AK5: variants seen among roughly 807,000 people sequenced by gnomAD.
AK5 encodes the protein adenylate kinase isoenzyme 5.
Under a neutral mutation model 69.5 loss-of-function variants are expected in AK5, and 27 were observed. The observed-to-expected ratio is 0.39, with a 90% CI of 0.29 to 0.54. AK5 has a LOEUF of 0.54. Ranked by LOEUF, AK5 falls within the 20% of genes least tolerant of loss-of-function variation. The pLI, the probability that AK5 is intolerant of heterozygous loss-of-function variation, is 0.71. For synonymous variants in AK5, 260 were observed against 244.4 expected, an observed-to-expected ratio of 1.06 and a Z score of -0.60; for missense variants, 531 against 700.4, an observed-to-expected ratio of 0.76 and a Z score of 2.73.
intron 10 of AK5, among the ~76,000 whole-genome samples, chr1:77,498,230 C>T (rs1461192675): frequency 1.3e-5 from 2 of 152,128 alleles, no homozygotes; most frequent in Non-Finnish European, 2.9e-5. Context: ...GGTTTGGCAA[C>T]AGGTGAGTTA....
intron 10 of AK5, among the ~76,000 whole-genome samples, chr1:77,512,242 TGAGAGAGAGAGAGACA>T (rs1295116420): frequency 6.6e-6 from 1 of 151,620 alleles, no homozygotes; most frequent in Non-Finnish European, 1.5e-5. Flanking sequence ...TGTGTGTGTG[TGAGAGAGAGAGAGACA>T]GAGAGAGAGA....
At chr1:77,351,267 C>T (rs922504908) in intron 6 of AK5, among the ~76,000 whole-genome samples, 5 of 152,050 alleles carry the variant, frequency 3.3e-5, no homozygotes, top group Non-Finnish European at 7.4e-5. Flanking sequence ...TGGTGGTGCA[C>T]ACCTGCAGTC....
chr1:77,543,499 T>C (rs533132239), intron 13 of AK5, among the ~76,000 whole-genome samples: 2 of 151,704 alleles, frequency 1.3e-5, no homozygotes, highest in South Asian at 4.2e-4. Flanking sequence ...TAATTATTTT[T>C]CTACCAAAAG....
chr1:77,328,764 T>C (rs1178863842), intron 5 of AK5, among the ~76,000 whole-genome samples: 8 of 152,294 alleles, frequency 5.3e-5, no homozygotes, highest in South Asian at 2.1e-4. Flanking sequence ...AGTAGAACAA[T>C]ATGCATTTGG....
At chr1:77,283,326 G>C in intron 1 of AK5, 1 of 985,406 alleles carries the variant, frequency 1.0e-6, no homozygotes, top group East Asian at 1.1e-4. Context: ...AAGCAAGCCA[G>C]GCTTCCTAAG....
At chr1:77,478,393 T>C (rs1356888844) in intron 8 of AK5, among the ~76,000 whole-genome samples, 1 of 152,212 alleles carries the variant, frequency 6.6e-6, no homozygotes, top group Non-Finnish European at 1.5e-5. Flanking sequence ...GTTCTCATGA[T>C]AGTGAATGGG....
chr1:77,302,039 G>T (rs1056206126), intron 5 of AK5, among the ~76,000 whole-genome samples: 1 of 151,038 alleles, frequency 6.6e-6, no homozygotes, highest in Admixed American at 6.6e-5. Context: ...CTGCAGCCTC[G>T]AACTCCTGGA....
At chr1:77,395,777 T>C (rs1259483473) in intron 6 of AK5, among the ~76,000 whole-genome samples, 1 of 152,206 alleles carries the variant, frequency 6.6e-6, no homozygotes, top group Non-Finnish European at 1.5e-5. Context: ...CAGGTTTCGA[T>C]GGGATGAGAA....
intron 6 of AK5, among the ~76,000 whole-genome samples, chr1:77,400,483 T>C (rs918052683): frequency 1.3e-5 from 2 of 152,198 alleles, no homozygotes; most frequent in East Asian, 1.9e-4. Context: ...GTGTGGCACA[T>C]AGTAGTTGTT....
rs144951885 is a variant in AK5, at chr1:77,535,967, C to T, written c.1549C>T (p.Arg517Cys). 57 of 1,613,958 alleles carry T rather than the reference C, an allele frequency of 3.5e-5. No homozygotes were observed. Among genetic ancestry groups the T allele is most frequent in the Admixed American group, 1.2e-4 (7 of 59,990 alleles). Residue 517 changes from arginine (R) to cysteine (C), a missense_variant, in exon 13 of 14, where the codon CGC (arginine) becomes TGC (cysteine). By Grantham distance (180) the Arg-to-Cys change is radical (BLOSUM62 -3). Coordinates refer to ENST00000354567, the MANE Select transcript of AK5 (RefSeq NM_174858.3). ...CGACACCACCAAGACCATCGCCAAG[C>T]GCCTAGAAGCCTACTACCGAGCGTC... ...VDDTTKTIAK[R>C]LEAYYRASIP...
intron 8 of AK5, among the ~76,000 whole-genome samples, chr1:77,430,869 G>A (rs61784760): frequency 0.021 from 3,133 of 152,218 alleles, 29 homozygotes; most frequent in Middle Eastern, 0.065. Flanking sequence ...TTTACAAAGC[G>A]CTATAAAGTG....
At chr1:77,368,744 GGAATTTTCCACTTGT>G (rs761348949) in intron 6 of AK5, among the ~76,000 whole-genome samples, 1 of 152,086 alleles carries the variant, frequency 6.6e-6, no homozygotes, top group Non-Finnish European at 1.5e-5. Flanking sequence ...TGTCAAGTGT[GGAATTTTCCACTTGT>G]GGCATCATGG....
chr1:77,518,966 G>A (rs1417176740), intron 11 of AK5, among the ~76,000 whole-genome samples: 1 of 152,116 alleles, frequency 6.6e-6, no homozygotes, highest in African/African-American at 2.4e-5. Flanking sequence ...GCCCTCAAAT[G>A]TTGGCCTAAT....
chr1:77,392,381 T>TGA (rs1648546505), intron 6 of AK5, among the ~76,000 whole-genome samples: 1 of 152,246 alleles, frequency 6.6e-6, no homozygotes, highest in Non-Finnish European at 1.5e-5. Context: ...GTGCTGTATA[T>TGA]GAGATAACTG....
At chr1:77,522,170 A>G (rs1400940889) in intron 12 of AK5, among the ~76,000 whole-genome samples, 1 of 152,148 alleles carries the variant, frequency 6.6e-6, no homozygotes, top group Non-Finnish European at 1.5e-5. Flanking sequence ...AAATGTGTTC[A>G]TCAATTGTCT....
intron 6 of AK5, among the ~76,000 whole-genome samples, chr1:77,358,817 GA>G (rs5775391): frequency 6.8e-6 from 1 of 147,666 alleles, no homozygotes; most frequent in African/African-American, 2.5e-5. Flanking sequence ...CCTATCCCCT[GA>G]AAAAAAAAAG....
At chr1:77,304,445 G>T (rs533094479) in intron 5 of AK5, among the ~76,000 whole-genome samples, 185 of 132,316 alleles carry the variant, frequency 1.4e-3, no homozygotes, top group African/African-American at 5.2e-3. Context: ...CATTCTTGTT[G>T]CCCAGGCTGG....
intron 5 of AK5, among the ~76,000 whole-genome samples, chr1:77,331,668 A>G (rs1661093447): frequency 6.6e-6 from 1 of 152,136 alleles, no homozygotes; most frequent in Non-Finnish European, 1.5e-5. Context: ...AGATCGGCCT[A>G]AAATTTTTTT....
chr1:77,379,951 T>A (rs1040575195), intron 6 of AK5, among the ~76,000 whole-genome samples: 4 of 152,238 alleles, frequency 2.6e-5, no homozygotes, highest in Admixed American at 6.5e-5. Context: ...GGATTTTAAA[T>A]CTGCTTCTGT....
Sources: allele counts gnomAD v4.1 joint callset (sites outside exome capture counted in the v4.1 genomes callset), GRCh38; gene constraint gnomAD v4.1.1; transcripts MANE v1.5; gene names NCBI Gene and HGNC (gene_info 2026-07-23, HGNC 2026-07-21).